Variants in TNIK observed in about 807,000 individuals in gnomAD.
The protein encoded by TNIK is TRAF2 and NCK-interacting protein kinase.
In TNIK, 49 loss-of-function variants were observed where a neutral mutation model predicts 191.3. That is an observed-to-expected ratio of 0.26 (90% CI 0.20 to 0.32). The LOEUF (loss-of-function observed/expected upper bound fraction) is 0.32, where lower values mean the gene tolerates loss of function less well. TNIK is among the 10% of genes least tolerant of loss of function. The pLI, the probability that TNIK is intolerant of heterozygous loss-of-function variation, is 1.00. For missense variants in TNIK, 1,155 were observed against 1,702.3 expected (o/e 0.68, Z 5.66); for synonymous variants, 594 against 600.9 (o/e 0.99, Z 0.17).
intron 9 of TNIK, among the ~76,000 whole-genome samples, chr3:171,173,201 G>A (rs1251726190): frequency 1.5e-4 from 22 of 148,958 alleles, no homozygotes; most frequent in African/African-American, 5.4e-4. Flanking sequence ...TGGCCAACAC[G>A]GTGAAACCCT....
chr3:171,151,591 A>T (rs1209053630), intron 12 of TNIK, among the ~76,000 whole-genome samples: 1 of 152,230 alleles, frequency 6.6e-6, no homozygotes, highest in African/African-American at 2.4e-5. Flanking sequence ...TGCTTTACAG[A>T]TGAGGAAACT....
At chr3:171,264,638 C>T (rs1049660463) in intron 2 of TNIK, among the ~76,000 whole-genome samples, 18 of 152,146 alleles carry the variant, frequency 1.2e-4, no homozygotes, top group African/African-American at 4.1e-4. Flanking sequence ...GCCCCCATCC[C>T]GGGTTCCCTC....
At chr3:171,161,995 G>A (rs1734057934) in intron 10 of TNIK, among the ~76,000 whole-genome samples, 1 of 152,096 alleles carries the variant, frequency 6.6e-6, no homozygotes, top group Admixed American at 6.6e-5. Flanking sequence ...AAACCCATTG[G>A]CCCTTTGTAA....
intron 2 of TNIK, among the ~76,000 whole-genome samples, chr3:171,256,355 A>T (rs958996247): frequency 1.1e-4 from 17 of 152,200 alleles, no homozygotes; most frequent in Non-Finnish European, 4.4e-5. Context: ...ATCGATAAAG[A>T]GGTTAATTAG....
At chr3:171,412,857 A>G (rs1160056019) in intron 1 of TNIK, among the ~76,000 whole-genome samples, 1 of 152,226 alleles carries the variant, frequency 6.6e-6, no homozygotes, top group Non-Finnish European at 1.5e-5. Flanking sequence ...TAGGTTTTCA[A>G]TCAATGGTAA....
intron 3 of TNIK, chr3:171,225,424 C>G: frequency 3.3e-6 from 1 of 305,320 alleles, no homozygotes; most frequent in Non-Finnish European, 6.5e-6. Context: ...CACAGAAAAA[C>G]TATCTAGCCC....
chr3:171,198,171 G>A (rs1399758447), intron 4 of TNIK, among the ~76,000 whole-genome samples: 2 of 151,984 alleles, frequency 1.3e-5, no homozygotes, highest in African/African-American at 2.4e-5. Flanking sequence ...ACTGAGGCAG[G>A]AGAATGGCTT....
At chr3:171,116,920 G>A (rs1726794029) in intron 18 of TNIK, among the ~76,000 whole-genome samples, 1 of 152,174 alleles carries the variant, frequency 6.6e-6, no homozygotes, top group South Asian at 2.1e-4. Flanking sequence ...ATTGCCTATT[G>A]ATATTGCAGT....
At chr3:171,255,317 C>T (rs151036955) in intron 2 of TNIK, among the ~76,000 whole-genome samples, 106 of 152,270 alleles carry the variant, frequency 7.0e-4, no homozygotes, top group African/African-American at 2.5e-3. Flanking sequence ...CCCTCTACTC[C>T]CCATGAGGAA....
At chr3:171,086,678 C>T (rs1402766262) in intron 24 of TNIK, among the ~76,000 whole-genome samples, 2 of 152,328 alleles carry the variant, frequency 1.3e-5, no homozygotes, top group South Asian at 2.1e-4. Flanking sequence ...TAGGGCCTTA[C>T]GTGTGATTGA....
intron 17 of TNIK, among the ~76,000 whole-genome samples, chr3:171,124,991 GC>G (rs1170666844): frequency 6.6e-6 from 1 of 151,856 alleles, no homozygotes; most frequent in Non-Finnish European, 1.5e-5. Context: ...AAAATTATCA[GC>G]TTTTTTTATT....
intron 1 of TNIK, among the ~76,000 whole-genome samples, chr3:171,446,162 T>G (rs1727466223): frequency 6.6e-6 from 1 of 152,258 alleles, no homozygotes; most frequent in Non-Finnish European, 1.5e-5. Flanking sequence ...CATACTTTTC[T>G]CATGACCCTG....
chr3:171,335,602 C>T (rs927133892), intron 2 of TNIK, among the ~76,000 whole-genome samples: 17 of 152,166 alleles, frequency 1.1e-4, no homozygotes, highest in South Asian at 4.2e-4. Context: ...ATCAGTAGCT[C>T]ATTCATTTTT....
chr3:171,347,287 A>T lies in TNIK; in HGVS notation c.123+22333T>A, dbSNP rs116099013. 8.5e-4 allele frequency: 1,262 copies of T among 1,479,758 alleles called. 9 individuals are homozygous for T. The African/African-American group carries it at 0.016, about 19-fold the overall frequency. The allele number at this position is 1,479,758 out of a possible 1,614,324, so 91.7% of individuals were successfully genotyped here. A position where few individuals can be genotyped will look rare whatever the true frequency, so the allele number is the denominator to read the frequency against. ...CTCAGGCACCAAACACATAGAGCAC[A>T]CTCTCTTCTCTTTGACAGCCAAGCT... On this transcript the variant is annotated intron_variant, in intron 2 of 32. Coordinates refer to ENST00000436636, the MANE Select transcript of TNIK (RefSeq NM_015028.4).
At chr3:171,453,162 C>T (rs1394508324) in intron 1 of TNIK, among the ~76,000 whole-genome samples, 1 of 152,114 alleles carries the variant, frequency 6.6e-6, no homozygotes, top group Non-Finnish European at 1.5e-5. Context: ...GTTGAACGAA[C>T]GCCTGCTGTG....
chr3:171,093,776 G>A lies in TNIK; in HGVS notation c.2721+63C>T, dbSNP rs1722362322. ...CATGCCATAGGCATTCTCTGTGAAA[G>A]CTTTAATGTAAAAACCACTGAAGAA... On this transcript the variant is annotated intron_variant, in intron 23 of 32. Transcript: ENST00000436636. 10 of 1,593,788 alleles carry A rather than the reference G, an allele frequency of 6.3e-6. No homozygotes were observed. In the South Asian group the frequency reaches 1.1e-4, roughly 18 times the overall value.
chr3:171,372,106 C>T (rs1716570574), intron 1 of TNIK, among the ~76,000 whole-genome samples: 1 of 152,134 alleles, frequency 6.6e-6, no homozygotes, highest in Non-Finnish European at 1.5e-5. Flanking sequence ...CCTCTCAGAG[C>T]TGGGGTTAGT....
chr3:171,284,718 G>A (rs1227127165), intron 2 of TNIK, among the ~76,000 whole-genome samples: 1 of 152,048 alleles, frequency 6.6e-6, no homozygotes, highest in Non-Finnish European at 1.5e-5. Context: ...TTATTTAAGG[G>A]GCCTGTCTTT....
rs763421231 is a variant in TNIK, at chr3:171,138,225, A to G, written c.1574T>C (p.Met525Thr). 3 of 1,611,950 alleles carry G rather than the reference A, an allele frequency of 1.9e-6. No homozygotes were observed. The African/African-American group carries it at 4.0e-5, about 22-fold the overall frequency. Residue 525 changes from methionine to threonine, a missense_variant, in exon 15 of 33, where the codon ATG becomes ACG. By Grantham distance (81) the Met-to-Thr change is moderately conservative (BLOSUM62 -1). Transcript: ENST00000436636. ...CCATGCTGGCTTCTCACTAGGACTC[A>G]TTCCTTCTTTGTAATGGTACAGTGG... ...KKPLYHYKEG[M>T]SPSEKPAWAK...
Sources: gnomAD v4.1 joint callset for allele counts (sites outside exome capture counted in the v4.1 genomes callset) on GRCh38, gnomAD v4.1.1 for gene constraint, MANE v1.5 for transcripts, NCBI Gene and HGNC (gene_info 2026-07-23, HGNC 2026-07-21) for gene names.